DGKZ: variants seen among roughly 807,000 people sequenced by gnomAD.
DGKZ encodes diacylglycerol kinase zeta.
DGKZ carries 45 observed loss-of-function variants against 142.5 expected under a neutral mutation model. That is an observed-to-expected ratio of 0.32 (90% confidence interval 0.25 to 0.40). The LOEUF (loss-of-function observed/expected upper bound fraction) is 0.40. Ranked by LOEUF, DGKZ falls within the 10% of genes least tolerant of loss-of-function variation. The pLI is 1.00. For missense variants in DGKZ, 755 were observed against 1,306.5 expected (o/e 0.58, Z 6.51); for synonymous variants, 442 against 527.0 (o/e 0.84, Z 2.21).
At chr11:46,344,699 C>T (rs778137471), upstream of DGKZ, among the ~76,000 whole-genome samples, 1 of 152,156 alleles carries the variant, frequency 6.6e-6, no homozygotes, top group Non-Finnish European at 1.5e-5. Flanking sequence ...GGTGATCTGC[C>T]CACCTCGGCC....
At position 46,333,606 on chromosome 11, in the gene DGKZ, A is replaced by G. The variant is rs1460857054; in HGVS notation, c.212+119A>G. The stretch of plus-strand genomic sequence containing the variant: ...GCCTGGCGCTGGGAGTTTAGAGATG[A>G]CTGCCGAGGGATCTCTGTCTTTTCG... On this transcript the variant is annotated intron_variant, in intron 1 of 30. Coordinates refer to the DGKZ transcript ENST00000343674. 15 of 910,512 alleles carry G rather than the reference A, an allele frequency of 1.6e-5. No individual in the cohort carries two copies. In the East Asian group the frequency reaches 3.7e-4, roughly 22 times the overall value. 56.4% of individuals were successfully genotyped at this position (910,512 alleles called of 1,614,324 possible). A position where few individuals can be genotyped will look rare whatever the true frequency, so the allele number is the denominator to read the frequency against.
At chr11:46,346,073 G>A (rs942839473), upstream of DGKZ, among the ~76,000 whole-genome samples, 1 of 152,160 alleles carries the variant, frequency 6.6e-6, no homozygotes, top group Non-Finnish European at 1.5e-5. Context: ...TGGAGGGCTG[G>A]AGCCCCACCT....
At chr11:46,359,860 C>T (rs530530907) in intron 1 of DGKZ, among the ~76,000 whole-genome samples, 7 of 151,672 alleles carry the variant, frequency 4.6e-5, no homozygotes, top group African/African-American at 1.2e-4. Flanking sequence ...TCAGTTGATC[C>T]GCCCACCTCG....
intron 5 of DGKZ, 120 bp from the exon 6 acceptor site, chr11:46,369,821 C>A (rs2136474270): frequency 9.0e-7 from 1 of 1,108,972 alleles, no homozygotes; most frequent in Non-Finnish European, 1.4e-6. Context: ...CCCTCCTCCA[C>A]TCATGCGCAG....
At chr11:46,342,730 A>C (rs1023346411), upstream of DGKZ, among the ~76,000 whole-genome samples, 11 of 152,230 alleles carry the variant, frequency 7.2e-5, no homozygotes, top group African/African-American at 2.7e-4. Context: ...TTAAGAGCAC[A>C]GATTCTGGGG....
rs963098472 is a variant in DGKZ at position 46,333,258 on chromosome 11, G to T, written c.-18G>T. ...GCCCGAAAGGCCGCAGGAGCCGCGG[G>T]CGGAAGGCGGCCGCACGATGGCCGA... On this transcript the variant is annotated 5_prime_UTR_variant, in exon 1 of 31. Coordinates refer to the DGKZ transcript ENST00000343674. 5.6e-6 allele frequency: 7 copies of T among 1,248,188 alleles called. 1 individual carries two copies. The African/African-American group carries it at 9.4e-5, about 17-fold the overall frequency. 77.3% of individuals were successfully genotyped at this position (1,248,188 alleles called of 1,614,324 possible). A position where few individuals can be genotyped will look rare whatever the true frequency, so the allele number is the denominator to read the frequency against.
rs1943415100 is a variant in DGKZ, at chr11:46,367,263, CCCT to C, written c.162-23_162-21del. The stretch of plus-strand genomic sequence containing the variant: ...AAGTAGGGTCAGCAAGTGCTCAGCC[CCCT>C]CCTCAGCTGTCTTCTCCTCTCTAGG... On this transcript the variant is annotated intron_variant, in intron 1 of 30. Coordinates refer to ENST00000527911, the Ensembl canonical transcript of DGKZ. This position sits in a 1 kb window ranked among gnomAD's most constrained non-coding sequence, Gnocchi z 4.1. 1 of 1,589,822 alleles carries C rather than the reference CCCT, an allele frequency of 6.3e-7. No individual in the cohort carries two copies. Among genetic ancestry groups the C allele is most frequent in the Admixed American group, 1.7e-5 (1 of 59,788 alleles).
At chr11:46,359,753 G>A (rs1229382214) in intron 1 of DGKZ, among the ~76,000 whole-genome samples, 1 of 150,642 alleles carries the variant, frequency 6.6e-6, no homozygotes, top group African/African-American at 2.4e-5. Flanking sequence ...ACAGGCACCT[G>A]CCATCATGCC....
chr11:46,355,254 G>A (rs1481482341), intron 1 of DGKZ, among the ~76,000 whole-genome samples: 8 of 151,336 alleles, frequency 5.3e-5, no homozygotes, highest in Non-Finnish European at 7.4e-5. Context: ...GACTACAGGC[G>A]CCCGCCACCA....
chr11:46,368,333 T>C (rs777358763), intron 4 of DGKZ: 4 of 540,402 alleles, frequency 7.4e-6, no homozygotes, highest in Non-Finnish European at 1.4e-5. Context: ...ATGGAATGAA[T>C]TGACGAATGG....
chr11:46,345,063 C>T (rs1336789209), upstream of DGKZ, among the ~76,000 whole-genome samples: 2 of 152,202 alleles, frequency 1.3e-5, no homozygotes, highest in Non-Finnish European at 2.9e-5. This position sits in a 1 kb window ranked among gnomAD's most constrained non-coding sequence, Gnocchi z 4.1. Flanking sequence ...TGGGCACACC[C>T]AGCCATTGTA....
chr11:46,365,372 GTGA>G, intron 1 of DGKZ: 5 of 985,440 alleles, frequency 5.1e-6, no homozygotes, highest in Non-Finnish European at 6.0e-6. Context: ...CTTCAGAAAG[GTGA>G]GACAGAGCAG....
chr11:46,369,396 T>G (rs190913420), intron 4 of DGKZ, 98 bp from the exon 5 acceptor site: 245 of 1,434,118 alleles, frequency 1.7e-4, no homozygotes, highest in Non-Finnish European at 2.2e-4. Flanking sequence ...TATCCCCACC[T>G]TGTGAGGATG....
intron 1 of DGKZ, among the ~76,000 whole-genome samples, chr11:46,334,330 G>A (rs2136371763): frequency 6.6e-6 from 1 of 152,340 alleles, no homozygotes; most frequent in East Asian, 1.9e-4. Context: ...TTGGCCCAGA[G>A]TGACCTCCCC....
At chr11:46,333,513 G>A (rs1461539699) in intron 1 of DGKZ, 1 of 1,537,766 alleles carries the variant, frequency 6.5e-7, no homozygotes, top group African/African-American at 1.4e-5. Flanking sequence ...GCAGAGGGGA[G>A]CGCGGCGCTT....
At chr11:46,366,810 G>A (rs1232998340) in intron 1 of DGKZ, 1 of 1,546,550 alleles carries the variant, frequency 6.5e-7, no homozygotes, top group South Asian at 1.2e-5. Flanking sequence ...GGCTACTATC[G>A]GCGCCTCAGC....
chr11:46,354,395 T>C (rs1409390958), intron 1 of DGKZ, among the ~76,000 whole-genome samples: 2 of 152,182 alleles, frequency 1.3e-5, no homozygotes, highest in African/African-American at 2.4e-5. Flanking sequence ...GAGGTCCTGC[T>C]ATGTTGCCCA....
chr11:46,373,545 T>G (rs1246419380), intron 14 of DGKZ, among the ~76,000 whole-genome samples: 9 of 151,600 alleles, frequency 5.9e-5, no homozygotes, highest in Non-Finnish European at 1.3e-4. Flanking sequence ...TCACCCAGGC[T>G]GGAGTACAGT....
chr11:46,371,240 C>G, intron 6 of DGKZ, 73 bp from the exon 7 acceptor site: 1 of 1,445,994 alleles, frequency 6.9e-7, no homozygotes, highest in Non-Finnish European at 9.6e-7. Flanking sequence ...TGGAGAGAGG[C>G]TGGCACCAGG....
Sources: allele counts gnomAD v4.1 joint callset (sites outside exome capture counted in the v4.1 genomes callset), GRCh38; gene constraint gnomAD v4.1.1; non-coding constraint Gnocchi (gnomAD v3.1); transcripts MANE v1.5; gene names NCBI Gene and HGNC (gene_info 2026-07-23, HGNC 2026-07-21).